Variants in TBC1D5 observed in about 807,000 individuals in gnomAD.
TBC1D5 encodes TBC1 domain family member 5.
TBC1D5 carries 75 observed loss-of-function variants against 100.3 expected under a neutral mutation model. The observed-to-expected ratio is 0.75, with a 90% CI of 0.62 to 0.91. The LOEUF (loss-of-function observed/expected upper bound fraction) is 0.91. Ranked by LOEUF, TBC1D5 falls within the 40% of genes least tolerant of loss-of-function variation. TBC1D5 has a pLI of 0.00. For synonymous variants in TBC1D5, 323 were observed against 325.6 expected (o/e 0.99, Z 0.09); for missense variants, 910 against 942.4 (o/e 0.97, Z 0.45).
chr3:17,221,716 G>A (rs2074312079), intron 17 of TBC1D5, among the ~76,000 whole-genome samples: 1 of 152,138 alleles, frequency 6.6e-6, no homozygotes, highest in Non-Finnish European at 1.5e-5. Context: ...AAAAGGAACT[G>A]AATTCTGCCA....
At chr3:17,691,647 C>T (rs2071178497) in intron 1 of TBC1D5, among the ~76,000 whole-genome samples, 1 of 151,906 alleles carries the variant, frequency 6.6e-6, no homozygotes. Context: ...TGAAACCTCG[C>T]CTCTACTAAA....
At chr3:17,184,214 A>G (rs377318395) in intron 19 of TBC1D5, among the ~76,000 whole-genome samples, 1 of 152,202 alleles carries the variant, frequency 6.6e-6, no homozygotes, top group African/African-American at 2.4e-5. Context: ...AGACTTTCCA[A>G]TGTGACATGC....
At chr3:17,380,045 A>ATGTGTATG (rs2092879973) in intron 9 of TBC1D5, among the ~76,000 whole-genome samples, 18 of 112,450 alleles carry the variant, frequency 1.6e-4, no homozygotes, top group Non-Finnish European at 1.8e-5. Context: ...GTGACTGTGT[A>ATGTGTATG]TGTGTGTGTG....
At chr3:17,686,142 T>C (rs1159030096) in intron 1 of TBC1D5, among the ~76,000 whole-genome samples, 5 of 152,132 alleles carry the variant, frequency 3.3e-5, no homozygotes, top group Non-Finnish European at 5.9e-5. Context: ...TGACATCTAA[T>C]GCTATCTTCA....
At chr3:17,391,702 C>T (rs1481919954) in intron 8 of TBC1D5, among the ~76,000 whole-genome samples, 2 of 151,742 alleles carry the variant, frequency 1.3e-5, no homozygotes, top group African/African-American at 4.8e-5. Flanking sequence ...TGCAAAGAGG[C>T]GCCAGTGAGG....
chr3:17,369,570 G>C (rs1018258119), intron 13 of TBC1D5, among the ~76,000 whole-genome samples: 2 of 152,014 alleles, frequency 1.3e-5, no homozygotes, highest in African/African-American at 4.8e-5. Flanking sequence ...GGATGGACTC[G>C]AACTCCTGGG....
At chr3:17,174,496 C>T (rs2067499282) in intron 19 of TBC1D5, among the ~76,000 whole-genome samples, 1 of 152,190 alleles carries the variant, frequency 6.6e-6, no homozygotes, top group Non-Finnish European at 1.5e-5. Flanking sequence ...TCTCTCCCTA[C>T]CTTGAAATTT....
At chr3:17,733,837 A>G (rs1216427190) in intron 1 of TBC1D5, among the ~76,000 whole-genome samples, 2 of 152,208 alleles carry the variant, frequency 1.3e-5, no homozygotes, top group Non-Finnish European at 2.9e-5. Context: ...AATTAACTGA[A>G]AAGCCATTAT....
chr3:17,566,387 C>T (rs1349635245), intron 2 of TBC1D5, among the ~76,000 whole-genome samples: 1 of 151,746 alleles, frequency 6.6e-6, no homozygotes, highest in Admixed American at 6.6e-5. Context: ...CTAACAAAAA[C>T]AAAGCTGCTT....
chr3:17,174,227 T>C (rs986558289), intron 19 of TBC1D5, among the ~76,000 whole-genome samples: 1 of 152,190 alleles, frequency 6.6e-6, no homozygotes, highest in African/African-American at 2.4e-5. Flanking sequence ...AATTCAATGA[T>C]GAGGCTCAGA....
chr3:17,639,415 G>A (rs2064284649), intron 1 of TBC1D5, among the ~76,000 whole-genome samples: 1 of 151,630 alleles, frequency 6.6e-6, no homozygotes, highest in African/African-American at 2.4e-5. Flanking sequence ...TCACAGTGGA[G>A]GAATGAAAAT....
At chr3:17,488,185 C>G (rs2095594451) in intron 3 of TBC1D5, among the ~76,000 whole-genome samples, 1 of 152,102 alleles carries the variant, frequency 6.6e-6, no homozygotes, top group Non-Finnish European at 1.5e-5. Context: ...TTTACCGTCT[C>G]CTTAGTTTTT....
chr3:17,555,325 T>C (rs1228186018), intron 2 of TBC1D5, among the ~76,000 whole-genome samples: 1 of 152,214 alleles, frequency 6.6e-6, no homozygotes, highest in Non-Finnish European at 1.5e-5. Context: ...GGCTGGGTTA[T>C]AGCTTGATTT....
At chr3:17,374,490 A>G (rs758615570) in exon 12 of TBC1D5, 1 of 1,611,942 alleles carries the variant, frequency 6.2e-7, no homozygotes, top group Non-Finnish European at 8.5e-7. Flanking sequence ...ATCATGCTCA[A>G]AAGTTGAAAA....
chr3:17,456,483 G>A (rs571180926), intron 3 of TBC1D5, among the ~76,000 whole-genome samples: 3 of 152,216 alleles, frequency 2.0e-5, no homozygotes, highest in East Asian at 1.9e-4. Context: ...TTACAATATG[G>A]GTGAAAGATT....
intron 3 of TBC1D5, among the ~76,000 whole-genome samples, chr3:17,455,354 GTA>G (rs576693094): frequency 3.2e-3 from 454 of 140,248 alleles, no homozygotes; most frequent in African/African-American, 0.012. Context: ...ATATGTATAT[GTA>G]TATGTGTGTA....
chr3:17,222,171 ACTTT>A (rs1441880792), intron 17 of TBC1D5, among the ~76,000 whole-genome samples: 1 of 151,854 alleles, frequency 6.6e-6, no homozygotes, highest in Non-Finnish European at 1.5e-5. Flanking sequence ...TCTGATGTTC[ACTTT>A]CTATCTTCCT....
At chr3:17,268,458 T>A (rs2079051532) in intron 15 of TBC1D5, among the ~76,000 whole-genome samples, 1 of 151,414 alleles carries the variant, frequency 6.6e-6, no homozygotes, top group Non-Finnish European at 1.5e-5. Context: ...ATAAAGAAAA[T>A]AAAAAAATAG....
intron 14 of TBC1D5, among the ~76,000 whole-genome samples, chr3:17,301,752 G>A (rs1403378259): frequency 6.6e-6 from 1 of 152,174 alleles, no homozygotes; most frequent in Non-Finnish European, 1.5e-5. Context: ...TGGGAAAAAG[G>A]CTACCTTGCC....
Sources: allele counts gnomAD v4.1 joint callset (sites outside exome capture counted in the v4.1 genomes callset), GRCh38; gene constraint gnomAD v4.1.1; transcripts MANE v1.5; gene names NCBI Gene and HGNC (gene_info 2026-07-23, HGNC 2026-07-21).